The following OXR1 variants were observed in gnomAD, a reference collection of about 807,000 sequenced individuals.
OXR1 encodes oxidation resistance protein 1.
A neutral mutation model predicts 104.6 loss-of-function variants in OXR1; 41 were observed. The ratio of observed to expected loss-of-function variants is 0.39; its 90% CI spans 0.31 to 0.51. OXR1 has a LOEUF of 0.51. OXR1 is among the 20% of genes least tolerant of loss of function. The pLI is 0.77. For synonymous variants in OXR1, 348 were observed against 348.4 expected (o/e 1.00, Z 0.01); for missense variants, 955 against 1,031.9 (o/e 0.93, Z 1.02).
chr8:106,751,156 G>T lies in OXR1; in HGVS notation c.*215G>T, dbSNP rs28924704. 130 of 375,240 alleles carry T rather than the reference G, an allele frequency of 3.5e-4. No individual in the cohort carries two copies. In the East Asian group the frequency reaches 5.1e-3, roughly 15 times the overall value. The allele number at this position is 375,240 out of a possible 1,614,324, so 23.2% of individuals were successfully genotyped here. On this transcript the variant is annotated 3_prime_UTR_variant, in exon 17 of 17. Coordinates refer to ENST00000517566, the MANE Select transcript of OXR1 (RefSeq NM_001198533.2). Reference sequence around the variant, plus strand: ...GGTTAACACTAGGGACTGCGTCCATGTACTAGTATAACAGCTTGGGTTTGT... The same window carrying T: ...GGTTAACACTAGGGACTGCGTCCATTTACTAGTATAACAGCTTGGGTTTGT...
intron 3 of OXR1, among the ~76,000 whole-genome samples, chr8:106,618,668 G>C (rs1821437143): frequency 6.6e-6 from 1 of 152,032 alleles, no homozygotes; most frequent in Non-Finnish European, 1.5e-5. Context: ...CCCTAACTCG[G>C]GTAATGGCAG....
intron 3 of OXR1, among the ~76,000 whole-genome samples, chr8:106,577,192 GT>G (rs574338615): frequency 3.3e-5 from 5 of 149,788 alleles, no homozygotes; most frequent in African/African-American, 9.8e-5. Flanking sequence ...AAAGCTATCC[GT>G]TTTTTTTGTT....
intron 2 of OXR1, among the ~76,000 whole-genome samples, chr8:106,504,957 G>A (rs1405635921): frequency 6.6e-6 from 1 of 152,154 alleles, no homozygotes; most frequent in African/African-American, 2.4e-5. Context: ...CCTGGAAAAT[G>A]CAGGTGTGAA....
intron 3 of OXR1, among the ~76,000 whole-genome samples, chr8:106,582,550 C>G (rs1281275785): frequency 2.0e-5 from 3 of 151,844 alleles, no homozygotes; most frequent in Admixed American, 6.6e-5. Flanking sequence ...AGTAGGCAGT[C>G]TTTTACAACA....
intron 7 of OXR1, among the ~76,000 whole-genome samples, chr8:106,698,847 T>A (rs1200077387): frequency 1.3e-5 from 2 of 152,202 alleles, no homozygotes; most frequent in Non-Finnish European, 2.9e-5. Flanking sequence ...TGTTTGCGTT[T>A]ATTGATTTTT....
intron 3 of OXR1, among the ~76,000 whole-genome samples, chr8:106,668,293 G>A (rs1158519704): frequency 6.6e-6 from 1 of 152,128 alleles, no homozygotes; most frequent in African/African-American, 2.4e-5. Context: ...TGTTTCAGTA[G>A]AGAAGTCTCA....
At chr8:106,647,976 T>C (rs1254533768) in intron 3 of OXR1, among the ~76,000 whole-genome samples, 4 of 152,238 alleles carry the variant, frequency 2.6e-5, no homozygotes, top group Non-Finnish European at 5.9e-5. Context: ...TGCAGATGTG[T>C]CGTGCTCATA....
intron 3 of OXR1, among the ~76,000 whole-genome samples, chr8:106,589,140 C>T (rs962298312): frequency 1.0e-3 from 159 of 152,150 alleles, no homozygotes; most frequent in African/African-American, 3.7e-3. Flanking sequence ...GGGGAGAGAG[C>T]GAGCAGGTGC....
intron 3 of OXR1, among the ~76,000 whole-genome samples, chr8:106,529,718 T>G (rs1813949691): frequency 6.6e-6 from 1 of 152,180 alleles, no homozygotes; most frequent in Admixed American, 6.5e-5. Flanking sequence ...GATAAACAGA[T>G]TAAGAAATGT....
intron 3 of OXR1, among the ~76,000 whole-genome samples, chr8:106,634,656 T>C (rs1203624212): frequency 6.6e-6 from 1 of 152,180 alleles, no homozygotes; most frequent in Admixed American, 6.6e-5. Context: ...ATCTCCTTAA[T>C]AAATTATTCC....
chr8:106,558,649 G>A (rs972847174), intron 3 of OXR1, among the ~76,000 whole-genome samples: 9 of 152,152 alleles, frequency 5.9e-5, no homozygotes, highest in African/African-American at 2.2e-4. Context: ...AGAAATCACA[G>A]TAAAACTACT....
At chr8:106,340,191 G>A (rs1434483797) in intron 1 of OXR1, among the ~76,000 whole-genome samples, 2 of 148,530 alleles carry the variant, frequency 1.3e-5, no homozygotes, top group East Asian at 2.0e-4. Context: ...CAACTGATAG[G>A]ATGTGATTGG....
chr8:106,573,790 G>A (rs1446866642), intron 3 of OXR1, among the ~76,000 whole-genome samples: 1 of 152,038 alleles, frequency 6.6e-6, no homozygotes, highest in African/African-American at 2.4e-5. Context: ...TTTTTATTTG[G>A]ACACTAGAAT....
At chr8:106,713,445 C>T (rs985001940) in intron 10 of OXR1, among the ~76,000 whole-genome samples, 2 of 151,724 alleles carry the variant, frequency 1.3e-5, no homozygotes, top group Admixed American at 6.6e-5. Context: ...CAAAATAGGC[C>T]ATTAATAAAT....
chr8:106,480,096 C>T (rs1248584566), intron 2 of OXR1, among the ~76,000 whole-genome samples: 1 of 151,928 alleles, frequency 6.6e-6, no homozygotes, highest in African/African-American at 2.4e-5. Flanking sequence ...TCCTCTGTTA[C>T]CCCACAGTGG....
chr8:106,558,453 G>T lies in OXR1; in HGVS notation c.220+39314G>T, dbSNP rs569130862. Among the ~76,000 whole-genome samples, 46 of 152,240 alleles carry T rather than the reference G, an allele frequency of 3.0e-4. 2 individuals carry two copies. The South Asian group carries it at 9.5e-3, about 32-fold the overall frequency. ...CCTGGTAGGCCAAATGGAGGATCCG[G>T]GACAGCAAGGGAGAGGGCCATTGGA... On this transcript the variant is annotated intron_variant, in intron 3 of 16. Transcript: ENST00000517566.
intron 1 of OXR1, among the ~76,000 whole-genome samples, chr8:106,297,777 G>T (rs1813061937): frequency 6.6e-6 from 1 of 152,138 alleles, no homozygotes; most frequent in African/African-American, 2.4e-5. Context: ...GTTAAATATG[G>T]ATTTAGAATG....
chr8:106,365,715 GT>G (rs1488647726), intron 2 of OXR1, among the ~76,000 whole-genome samples: 1 of 152,110 alleles, frequency 6.6e-6, no homozygotes, highest in Non-Finnish European at 1.5e-5. Context: ...TTTGAGCTAT[GT>G]GCCTTTAGAA....
chr8:106,735,806 G>T (rs1412073771), intron 11 of OXR1, among the ~76,000 whole-genome samples: 3 of 151,856 alleles, frequency 2.0e-5, no homozygotes, highest in Non-Finnish European at 4.4e-5. Context: ...TTAATTGAAA[G>T]TCCTTCATTA....
Sources: gnomAD v4.1 joint callset for allele counts (sites outside exome capture counted in the v4.1 genomes callset) on GRCh38, gnomAD v4.1.1 for gene constraint, MANE v1.5 for transcripts, NCBI Gene and HGNC (gene_info 2026-07-23, HGNC 2026-07-21) for gene names.